Variants in KAZN observed in about 807,000 individuals in gnomAD.
The protein encoded by KAZN is kazrin.
KAZN carries 40 observed loss-of-function variants against 87.4 expected under a neutral mutation model. The ratio of observed to expected loss-of-function variants is 0.46; its 90% CI spans 0.36 to 0.60. The LOEUF (loss-of-function observed/expected upper bound fraction) is 0.60. Ranked by LOEUF, KAZN falls within the 20% of genes least tolerant of loss-of-function variation. KAZN has a pLI of 0.00. For synonymous variants in KAZN, 466 were observed against 458.3 expected (o/e 1.02, Z -0.22); for missense variants, 898 against 1,073.9 (o/e 0.84, Z 2.29).
At chr1:14,142,951 T>C (rs1465381526) in intron 1 of KAZN, among the ~76,000 whole-genome samples, 2 of 152,144 alleles carry the variant, frequency 1.3e-5, no homozygotes, top group Admixed American at 6.5e-5. Context: ...ACGGCCACCA[T>C]GCCCTTATGC....
In KAZN at chr1:14,548,196, G is replaced by GC. The variant is rs765677259; in HGVS notation, c.250-50786dup. On this transcript the variant is annotated intron_variant, in intron 2 of 16. Coordinates refer to the KAZN transcript ENST00000636203. ...CTTTTTCAATGCTTTTCCTCTTCGT[G>GC]CATTTTTTTTTTTTTTTTTTGAGAC... Among the ~76,000 whole-genome samples, 87 of 147,590 alleles carry GC rather than the reference G, an allele frequency of 5.9e-4. 1 individual carries two copies. Among genetic ancestry groups the GC allele is most frequent in the Non-Finnish European group, 1.1e-3 (73 of 67,128 alleles).
At chr1:14,702,011 C>G (rs892403688) in intron 1 of KAZN, among the ~76,000 whole-genome samples, 1 of 152,184 alleles carries the variant, frequency 6.6e-6, no homozygotes, top group African/African-American at 2.4e-5. Flanking sequence ...GCCCCTTTCC[C>G]TACTTGTTGA....
At chr1:14,906,283 A>G (rs1425046238) in intron 1 of KAZN, among the ~76,000 whole-genome samples, 2 of 152,188 alleles carry the variant, frequency 1.3e-5, no homozygotes, top group Non-Finnish European at 1.5e-5. Flanking sequence ...AGACAATTTC[A>G]CAGTCCACAT....
intron 2 of KAZN, among the ~76,000 whole-genome samples, chr1:14,402,739 T>C (rs1024263843): frequency 6.6e-6 from 1 of 152,014 alleles, no homozygotes; most frequent in Non-Finnish European, 1.5e-5. Flanking sequence ...AGACTAACCC[T>C]ATTATAATGA....
intron 1 of KAZN, chr1:14,945,836 G>A (rs1471289567): frequency 3.2e-5 from 31 of 984,036 alleles, no homozygotes; most frequent in Middle Eastern, 5.2e-4. Flanking sequence ...TGTCCGCTCC[G>A]GCCCGGAAGA....
chr1:14,509,914 A>G (rs1405730100), intron 2 of KAZN, among the ~76,000 whole-genome samples: 4 of 152,206 alleles, frequency 2.6e-5, no homozygotes, highest in Non-Finnish European at 5.9e-5. Context: ...CAAGCCATGC[A>G]AAAGCTGAAA....
intron 1 of KAZN, among the ~76,000 whole-genome samples, chr1:14,036,298 T>C (rs1443218531): frequency 6.6e-6 from 1 of 152,094 alleles, no homozygotes; most frequent in East Asian, 1.9e-4. Context: ...TATTGGGAGA[T>C]GCTAACTCAG....
Position 15,094,447 on chromosome 1 carries a change from A to G in KAZN, c.1428+62A>G, listed in dbSNP as rs576321007. 3 of 1,476,662 alleles carry G rather than the reference A, an allele frequency of 2.0e-6. No individual in the cohort carries two copies. The African/African-American group carries it at 4.2e-5, about 20-fold the overall frequency. 91.5% of individuals were successfully genotyped at this position (1,476,662 alleles called of 1,614,324 possible). On this transcript the variant is annotated intron_variant, in intron 9 of 14. Coordinates refer to ENST00000376030, the MANE Select transcript of KAZN (RefSeq NM_201628.3). The surrounding 1 kb of genome is among the most constrained non-coding windows in gnomAD (Gnocchi z 4.5). ...TGCCCTCTGTGAGCTTTACGTACCCAGAAGCTGGCCTGCCCCCCACTCCTA... is the reference window on the plus strand; with the variant it reads ...TGCCCTCTGTGAGCTTTACGTACCCGGAAGCTGGCCTGCCCCCCACTCCTA...
intron 2 of KAZN, among the ~76,000 whole-genome samples, chr1:14,265,992 A>G (rs192878004): frequency 4.6e-5 from 7 of 152,156 alleles, no homozygotes; most frequent in Non-Finnish European, 1.0e-4. Flanking sequence ...TTTAAACTGG[A>G]GATAAGTTTG....
At chr1:14,916,692 C>A (rs1392970180) in intron 1 of KAZN, among the ~76,000 whole-genome samples, 1 of 152,002 alleles carries the variant, frequency 6.6e-6, no homozygotes, top group Non-Finnish European at 1.5e-5. Flanking sequence ...GTAGGAGGAC[C>A]ACTTAACGCC....
intron 1 of KAZN, among the ~76,000 whole-genome samples, chr1:14,144,156 C>T (rs1030907742): frequency 1.4e-4 from 22 of 152,216 alleles, no homozygotes; most frequent in Non-Finnish European, 2.9e-5. Flanking sequence ...CTCTTTCCTC[C>T]TTCTCCTCAA....
chr1:14,617,550 G>A (rs1331450013), intron 1 of KAZN, among the ~76,000 whole-genome samples: 1 of 152,162 alleles, frequency 6.6e-6, no homozygotes, highest in Non-Finnish European at 1.5e-5. Context: ...AGTAAAACAA[G>A]GTTTGCCTGT....
intron 1 of KAZN, among the ~76,000 whole-genome samples, chr1:14,881,667 T>C (rs915897953): frequency 2.6e-5 from 4 of 152,166 alleles, no homozygotes; most frequent in Non-Finnish European, 4.4e-5. Context: ...ACATGGTGGG[T>C]TCAGGTACAG....
intron 2 of KAZN, among the ~76,000 whole-genome samples, chr1:14,441,265 AT>A (rs535463437): frequency 3.0e-3 from 101 of 33,358 alleles, no homozygotes; most frequent in African/African-American, 0.012. Context: ...GAATACTCAT[AT>A]ATATATATAT....
chr1:14,838,353 C>A (rs1355949686), intron 1 of KAZN, among the ~76,000 whole-genome samples: 1 of 152,194 alleles, frequency 6.6e-6, no homozygotes, highest in East Asian at 1.9e-4. Flanking sequence ...TCTGAATGTA[C>A]TTATCCATGA....
chr1:14,174,815 C>T (rs1166567446), intron 1 of KAZN, among the ~76,000 whole-genome samples: 1 of 152,260 alleles, frequency 6.6e-6, no homozygotes, highest in East Asian at 1.9e-4. Flanking sequence ...TACTGTGACA[C>T]GTGCTTTATA....
intron 2 of KAZN, among the ~76,000 whole-genome samples, chr1:14,335,553 C>G (rs6684055): frequency 0.015 from 2,340 of 152,102 alleles, 63 homozygotes; most frequent in African/African-American, 0.054. Context: ...ATGTGACGCA[C>G]CTGCTCCTCC....
chr1:14,347,002 A>G (rs2789749), intron 2 of KAZN, among the ~76,000 whole-genome samples: 1 of 151,960 alleles, frequency 6.6e-6, no homozygotes, highest in Non-Finnish European at 1.5e-5. Flanking sequence ...AAGGAAATAC[A>G]ACATTACATC....
At chr1:14,194,304 G>A (rs1398599997) in intron 2 of KAZN, among the ~76,000 whole-genome samples, 2 of 152,154 alleles carry the variant, frequency 1.3e-5, no homozygotes, top group East Asian at 3.9e-4. Context: ...GACAAGTTGA[G>A]TCTCCCAGGA....
Sources: allele counts gnomAD v4.1 joint callset (sites outside exome capture counted in the v4.1 genomes callset), GRCh38; gene constraint gnomAD v4.1.1; non-coding constraint Gnocchi (gnomAD v3.1); transcripts MANE v1.5; gene names NCBI Gene and HGNC (gene_info 2026-07-23, HGNC 2026-07-21).